The following FHIP1A variants were observed in gnomAD, a reference collection of about 807,000 sequenced individuals.
FHIP1A encodes FHF complex subunit HOOK-interacting protein 1A.
A neutral mutation model predicts 88.6 loss-of-function variants in FHIP1A; 61 were observed. That is an observed-to-expected ratio of 0.69 (90% CI 0.56 to 0.85). FHIP1A has a LOEUF of 0.85. FHIP1A is among the 40% of genes least tolerant of loss of function. The probability of loss-of-function intolerance (pLI) is 0.00; values close to 1 mark genes in which losing one functional copy is unlikely to be tolerated. For synonymous variants in FHIP1A, 478 were observed against 496.0 expected, an observed-to-expected ratio of 0.96 and a Z score of 0.48; for missense variants, 1,154 against 1,273.5, an observed-to-expected ratio of 0.91 and a Z score of 1.43.
chr4:151,520,372 G>C (rs1295233557), intron 3 of FHIP1A, among the ~76,000 whole-genome samples: 2 of 151,924 alleles, frequency 1.3e-5, no homozygotes, highest in Non-Finnish European at 2.9e-5. Flanking sequence ...TTGTGTGTGT[G>C]GGAGTCTGTT....
intron 3 of FHIP1A, among the ~76,000 whole-genome samples, chr4:151,502,271 C>T (rs954553791): frequency 5.3e-5 from 8 of 151,752 alleles, no homozygotes; most frequent in African/African-American, 1.7e-4. Flanking sequence ...GAGCTGTGAT[C>T]GTACCACTGT....
rs1359259839 is a variant in FHIP1A at position 151,566,356 on chromosome 4, TG to T, written c.100del (p.Ala34HisfsTer4). The T allele has an allele frequency of 1.3e-6, 2 of 1,543,624 alleles. No homozygotes were observed. Among genetic ancestry groups the T allele is most frequent in the Admixed American group, 3.9e-5 (2 of 50,934 alleles). Reference protein sequence around the residue: ...ETCMIVFKNHWAQVVKILEKH... With the variant: ...ETCMIVFKNHXAQVVKILEKH... ...ATGCATGATTGTATTTAAAAACCAC[TG>T]GGCACAGGTAATGTATGAATTCCAC... is the stretch of plus-strand genomic sequence containing the variant. On this transcript the variant is annotated frameshift_variant, in exon 4 of 14. Transcript: ENST00000435205. LOFTEE classifies it high-confidence loss of function.
chr4:151,543,386 T>C (rs890623390), intron 3 of FHIP1A, among the ~76,000 whole-genome samples: 5 of 152,232 alleles, frequency 3.3e-5, no homozygotes, highest in African/African-American at 1.2e-4. Context: ...TCCTAATGCA[T>C]GTAATAGGCA....
chr4:151,654,984 T>C (rs1260052915), intron 11 of FHIP1A, among the ~76,000 whole-genome samples: 1 of 152,232 alleles, frequency 6.6e-6, no homozygotes, highest in Non-Finnish European at 1.5e-5. Flanking sequence ...GTTCCTCCCC[T>C]GTGTGGTAAA....
intron 5 of FHIP1A, among the ~76,000 whole-genome samples, chr4:151,580,657 A>G (rs923041390): frequency 2.0e-5 from 3 of 152,330 alleles, no homozygotes; most frequent in East Asian, 3.9e-4. Flanking sequence ...TTACAAAGAT[A>G]CATATACAAC....
chr4:151,621,379 AGGTCTTTCCGGTGCTCAT>A (rs1560804290), intron 7 of FHIP1A, among the ~76,000 whole-genome samples: 1 of 151,936 alleles, frequency 6.6e-6, no homozygotes, highest in Non-Finnish European at 1.5e-5. Flanking sequence ...CATTGTATTG[AGGTCTTTCCGGTGCTCAT>A]GGAAAATAAG....
At chr4:151,423,181 C>G (rs897351534) in intron 1 of FHIP1A, among the ~76,000 whole-genome samples, 17 of 152,270 alleles carry the variant, frequency 1.1e-4, no homozygotes, top group African/African-American at 3.8e-4. Flanking sequence ...CTTAAATATT[C>G]ATTCCTTTTA....
intron 1 of FHIP1A, among the ~76,000 whole-genome samples, chr4:151,421,160 G>A (rs1295415776): frequency 6.6e-6 from 1 of 152,134 alleles, no homozygotes; most frequent in Admixed American, 6.6e-5. Flanking sequence ...ATTCTGTATA[G>A]CACATTTGGG....
At chr4:151,566,086 T>C (rs1578760249) in intron 3 of FHIP1A, 52 bp from the exon 4 acceptor site, 1 of 462,212 alleles carries the variant, frequency 2.2e-6, no homozygotes, top group East Asian at 3.8e-5. Context: ...GTCAGTTTCC[T>C]ATTTAATTTA....
At chr4:151,416,689 TAATAA>T (rs1732903645) in intron 1 of FHIP1A, among the ~76,000 whole-genome samples, 1 of 152,214 alleles carries the variant, frequency 6.6e-6, no homozygotes, top group African/African-American at 2.4e-5. Flanking sequence ...AAATTTTTCT[TAATAA>T]AATAAGAATT....
chr4:151,625,732 A>AC (rs1735929654), intron 7 of FHIP1A, among the ~76,000 whole-genome samples: 1 of 152,180 alleles, frequency 6.6e-6, no homozygotes, highest in Non-Finnish European at 1.5e-5. Flanking sequence ...TTAAAAGAAA[A>AC]CACACTGTCC....
At chr4:151,465,097 A>G (rs1271273425) in intron 2 of FHIP1A, among the ~76,000 whole-genome samples, 2 of 152,170 alleles carry the variant, frequency 1.3e-5, no homozygotes, top group Admixed American at 6.6e-5. Flanking sequence ...AGTCTCAGCT[A>G]CTAGAGAGGA....
At chr4:151,474,021 A>T (rs529278572) in intron 2 of FHIP1A, among the ~76,000 whole-genome samples, 8 of 152,242 alleles carry the variant, frequency 5.3e-5, no homozygotes, top group African/African-American at 1.7e-4. Context: ...TTTTTGGTTG[A>T]TGTATTTTAA....
At chr4:151,411,906 A>G (rs1184352668) in intron 1 of FHIP1A, among the ~76,000 whole-genome samples, 1 of 152,208 alleles carries the variant, frequency 6.6e-6, no homozygotes, top group Non-Finnish European at 1.5e-5. Flanking sequence ...ACAGTGCTCA[A>G]GAGTGACAAG....
intron 7 of FHIP1A, among the ~76,000 whole-genome samples, chr4:151,602,342 C>A (rs1172221224): frequency 6.6e-6 from 1 of 152,106 alleles, no homozygotes; most frequent in Non-Finnish European, 1.5e-5. Context: ...TGTTCAAAGA[C>A]CATTTAGTCA....
intron 3 of FHIP1A, among the ~76,000 whole-genome samples, chr4:151,484,482 G>T (rs191136193): frequency 2.0e-5 from 3 of 152,296 alleles, no homozygotes; most frequent in Non-Finnish European, 2.9e-5. Flanking sequence ...GAAGGTAGAG[G>T]GAGTAGCTTA....
intron 3 of FHIP1A, among the ~76,000 whole-genome samples, chr4:151,520,292 C>T (rs1394675881): frequency 6.6e-6 from 1 of 151,998 alleles, no homozygotes; most frequent in African/African-American, 2.4e-5. Flanking sequence ...CTAGTTATTC[C>T]AGCTCCATTT....
intron 1 of FHIP1A, among the ~76,000 whole-genome samples, chr4:151,416,433 G>A (rs1031107367): frequency 1.3e-5 from 2 of 151,998 alleles, no homozygotes; most frequent in South Asian, 2.1e-4. Context: ...ACTAGAATGA[G>A]TATAGAAAAA....
chr4:151,446,581 C>CTTTTTT (rs35115788), intron 1 of FHIP1A, among the ~76,000 whole-genome samples: 217 of 109,646 alleles, frequency 2.0e-3, no homozygotes, highest in East Asian at 7.0e-3. Context: ...TGTTCTTTTT[C>CTTTTTT]TTTTTTTTTT....
Sources: allele counts gnomAD v4.1 joint callset (sites outside exome capture counted in the v4.1 genomes callset), GRCh38; gene constraint gnomAD v4.1.1; transcripts MANE v1.5; gene names NCBI Gene and HGNC (gene_info 2026-07-23, HGNC 2026-07-21).